The following PRKCE variants were observed in gnomAD, a reference collection of about 807,000 sequenced individuals.
PRKCE encodes the protein protein kinase C epsilon type.
In PRKCE, 16 loss-of-function variants were observed where a neutral mutation model predicts 85.4. That is an observed-to-expected ratio of 0.19 (90% confidence interval 0.13 to 0.28). The LOEUF is 0.28. PRKCE is among the 10% of genes least tolerant of loss of function. The pLI, the probability that PRKCE is intolerant of heterozygous loss-of-function variation, is 1.00. For synonymous variants in PRKCE, 388 were observed against 371.5 expected, an observed-to-expected ratio of 1.04 and a Z score of -0.51; for missense variants, 573 against 975.2, an observed-to-expected ratio of 0.59 and a Z score of 5.49.
At chr2:45,703,369 C>G (rs949263982) in intron 1 of PRKCE, among the ~76,000 whole-genome samples, 1 of 151,892 alleles carries the variant, frequency 6.6e-6, no homozygotes, top group African/African-American at 2.4e-5. Context: ...ACCCCCATCT[C>G]TAAAAATAAT....
chr2:46,096,388 C>G (rs1426028902), intron 11 of PRKCE, among the ~76,000 whole-genome samples: 1 of 152,184 alleles, frequency 6.6e-6, no homozygotes, highest in East Asian at 1.9e-4. Flanking sequence ...TGGACTGAAT[C>G]ATGCCCCCAA....
At chr2:45,754,443 T>G (rs1239866126) in intron 1 of PRKCE, among the ~76,000 whole-genome samples, 1 of 152,194 alleles carries the variant, frequency 6.6e-6, no homozygotes, top group Non-Finnish European at 1.5e-5. Context: ...GTTTGGGGTA[T>G]GCACTTTATT....
At chr2:45,771,408 G>A (rs1165011567) in intron 1 of PRKCE, among the ~76,000 whole-genome samples, 1 of 152,102 alleles carries the variant, frequency 6.6e-6, no homozygotes, top group Non-Finnish European at 1.5e-5. Flanking sequence ...CTTCTCCCTG[G>A]CGCGGCCACC....
intron 2 of PRKCE, among the ~76,000 whole-genome samples, chr2:45,896,437 C>T (rs1403269817): frequency 6.6e-6 from 1 of 152,192 alleles, no homozygotes; most frequent in East Asian, 1.9e-4. Context: ...CTTGGAAATA[C>T]TGTTCCCAAA....
At chr2:45,877,512 G>A (rs893557904) in intron 2 of PRKCE, among the ~76,000 whole-genome samples, 21 of 151,608 alleles carry the variant, frequency 1.4e-4, no homozygotes, top group Admixed American at 7.2e-4. Context: ...GTCTCTTTCT[G>A]TACCTAGTGT....
chr2:45,945,845 A>G (rs139126160), intron 2 of PRKCE, among the ~76,000 whole-genome samples: 165 of 152,370 alleles, frequency 1.1e-3, no homozygotes, highest in Non-Finnish European at 2.0e-3. Context: ...TAATGGTGGA[A>G]TGTCCTGTAC....
chr2:45,985,066 G>A (rs2082828983), intron 6 of PRKCE, among the ~76,000 whole-genome samples: 1 of 152,142 alleles, frequency 6.6e-6, no homozygotes, highest in Admixed American at 6.5e-5. Context: ...TTTCTTGCAT[G>A]GTCCATGGCT....
At chr2:45,816,393 A>G (rs60094895) in intron 1 of PRKCE, among the ~76,000 whole-genome samples, 1 of 151,870 alleles carries the variant, frequency 6.6e-6, no homozygotes, top group Non-Finnish European at 1.5e-5. Flanking sequence ...TGGGAAAGCC[A>G]TCAGTGATTG....
At chr2:45,923,124 G>A (rs1346621745) in intron 2 of PRKCE, among the ~76,000 whole-genome samples, 2 of 152,220 alleles carry the variant, frequency 1.3e-5, no homozygotes, top group African/African-American at 2.4e-5. Context: ...GCGTGACTGT[G>A]TATCTGCATG....
chr2:45,864,223 G>T (rs899774073), intron 2 of PRKCE, among the ~76,000 whole-genome samples: 1 of 152,160 alleles, frequency 6.6e-6, no homozygotes, highest in South Asian at 2.1e-4. Flanking sequence ...GGCCTAGGGG[G>T]CCTCAATCTT....
chr2:45,988,622 G>C (rs1278461051), intron 6 of PRKCE, among the ~76,000 whole-genome samples: 1 of 152,182 alleles, frequency 6.6e-6, no homozygotes, highest in African/African-American at 2.4e-5. Context: ...GCAGAAAAAT[G>C]CTGGCACAAA....
At chr2:46,009,316 G>A (rs1471157275) in intron 9 of PRKCE, among the ~76,000 whole-genome samples, 2 of 152,168 alleles carry the variant, frequency 1.3e-5, no homozygotes, top group Non-Finnish European at 2.9e-5. Flanking sequence ...TAAAGGGTTA[G>A]TATCTTTATA....
intron 10 of PRKCE, among the ~76,000 whole-genome samples, chr2:46,070,408 C>A (rs1231549249): frequency 6.6e-6 from 1 of 152,170 alleles, no homozygotes; most frequent in African/African-American, 2.4e-5. Context: ...CTTGTGGAGG[C>A]CAAGGAGGGT....
At position 45,975,035 on chromosome 2, in the gene PRKCE, G is replaced by A. The variant is rs114969954; in HGVS notation, c.413-1394G>A. 8.1e-3 allele frequency among the ~76,000 whole-genome samples: 1,231 copies of A among 152,274 alleles called. 12 individuals are homozygous for A. Among genetic ancestry groups the A allele is most frequent in the African/African-American group, 0.027 (1,131 of 41,538 alleles). On this transcript the variant is annotated intron_variant, in intron 2 of 14. Coordinates refer to ENST00000306156, the MANE Select transcript of PRKCE (RefSeq NM_005400.3). ...AGTGCAGGCCGTCCTTCAGAGCAGC[G>A]TGTGGGTGGAGGAACAATGGCCTCT... is the stretch of plus-strand genomic sequence containing the variant.
At chr2:46,071,294 A>G (rs1668063475) in intron 10 of PRKCE, among the ~76,000 whole-genome samples, 1 of 152,232 alleles carries the variant, frequency 6.6e-6, no homozygotes, top group Non-Finnish European at 1.5e-5. Context: ...CTGATTTGAA[A>G]TTTGTTTATC....
intron 1 of PRKCE, among the ~76,000 whole-genome samples, chr2:45,671,528 T>G (rs1459784073): frequency 6.6e-6 from 1 of 152,178 alleles, no homozygotes; most frequent in Non-Finnish European, 1.5e-5. Flanking sequence ...TGAATCAAAA[T>G]TTCTTCTTTT....
chr2:46,179,344 A>G (rs1679741958), intron 14 of PRKCE, among the ~76,000 whole-genome samples: 1 of 151,942 alleles, frequency 6.6e-6, no homozygotes, highest in South Asian at 2.1e-4. Flanking sequence ...CTGCCTGCCT[A>G]CCTCTGCCCT....
rs35171738 is a variant in PRKCE at position 45,890,913 on chromosome 2, G to A, written c.412+47850G>A. 3.5e-3 allele frequency among the ~76,000 whole-genome samples: 529 copies of A among 152,304 alleles called. 2 individuals are homozygous for A. The highest frequency in any genetic ancestry group is 0.02 in the Middle Eastern group (6 of 294). ...TGTTAGGCCCCTGTCCTGACAGCAC[G>A]CATGGTCTAGTTGGACCTTGGAATG... On this transcript the variant is annotated intron_variant, in intron 2 of 14. Coordinates refer to ENST00000306156, the MANE Select transcript of PRKCE (RefSeq NM_005400.3).
intron 2 of PRKCE, among the ~76,000 whole-genome samples, chr2:45,949,798 C>T (rs766812761): frequency 2.6e-5 from 4 of 151,758 alleles, no homozygotes; most frequent in Non-Finnish European, 5.9e-5. Flanking sequence ...CTGTTCTATC[C>T]CTTTGGTCTG....
Sources: gnomAD v4.1 joint callset for allele counts (sites outside exome capture counted in the v4.1 genomes callset) on GRCh38, gnomAD v4.1.1 for gene constraint, MANE v1.5 for transcripts, NCBI Gene and HGNC (gene_info 2026-07-23, HGNC 2026-07-21) for gene names.